The following DPH6 variants were observed in gnomAD, a reference collection of about 807,000 sequenced individuals.
DPH6 encodes diphthine--ammonia ligase.
A neutral mutation model predicts 38.2 loss-of-function variants in DPH6; 33 were observed. The observed-to-expected ratio is 0.86, with a 90% CI of 0.65 to 1.15. The LOEUF (loss-of-function observed/expected upper bound fraction) is 1.15, where lower values mean the gene tolerates loss of function less well. DPH6 is among the 50% of genes most tolerant of loss of function. The pLI is 0.00. For synonymous variants in DPH6, 108 were observed against 103.0 expected (o/e 1.05, Z -0.30); for missense variants, 325 against 320.0 (o/e 1.02, Z -0.12).
intron 5 of DPH6, among the ~76,000 whole-genome samples, chr15:35,439,355 TG>T (rs2053756782): frequency 6.6e-6 from 1 of 152,248 alleles, no homozygotes. Context: ...GGTATACTCC[TG>T]TGAACAAAAT....
chr15:35,517,947 A>C (rs993937856), intron 3 of DPH6, among the ~76,000 whole-genome samples: 18 of 152,198 alleles, frequency 1.2e-4, no homozygotes, highest in Admixed American at 9.2e-4. Flanking sequence ...TACTTTAAAA[A>C]AATTAAATTG....
At chr15:35,433,477 C>T (rs1179375654) in intron 5 of DPH6, among the ~76,000 whole-genome samples, 1 of 152,070 alleles carries the variant, frequency 6.6e-6, no homozygotes, top group Admixed American at 6.5e-5. Context: ...GTAAAAATCC[C>T]GTTGAGTCTC....
chr15:35,385,147 G>A (rs2052932426), intron 6 of DPH6, among the ~76,000 whole-genome samples: 1 of 152,156 alleles, frequency 6.6e-6, no homozygotes, highest in Non-Finnish European at 1.5e-5. Context: ...TGGAAAAATA[G>A]GAACACTTTT....
intron 3 of DPH6, chr15:35,237,275 G>A: frequency 1.3e-6 from 2 of 1,503,824 alleles, no homozygotes; most frequent in Non-Finnish European, 1.8e-6. Flanking sequence ...GCGCGGCCGT[G>A]TTATTGATTG....
chr15:35,264,487 C>A (rs779454984), intron 3 of DPH6, among the ~76,000 whole-genome samples: 2 of 152,106 alleles, frequency 1.3e-5, no homozygotes, highest in Admixed American at 6.6e-5. Flanking sequence ...GATTCTTAGA[C>A]CTCTCTTCTG....
At chr15:35,381,178 A>G (rs2052859978) in intron 7 of DPH6, among the ~76,000 whole-genome samples, 1 of 152,188 alleles carries the variant, frequency 6.6e-6, no homozygotes, top group Non-Finnish European at 1.5e-5. Flanking sequence ...TACAGGCTTA[A>G]GAAAAGCAGA....
intron 3 of DPH6, 148 bp downstream of exon 3, chr15:35,538,126 T>C: frequency 1.7e-6 from 1 of 605,764 alleles, no homozygotes. Flanking sequence ...CATTTGCAGT[T>C]TTTTTCTAAC....
intron 5 of DPH6, among the ~76,000 whole-genome samples, chr15:35,414,355 C>G (rs2053409755): frequency 6.6e-6 from 1 of 151,686 alleles, no homozygotes; most frequent in Non-Finnish European, 1.5e-5. Context: ...TAGTGGCTCC[C>G]ATATAAGGAA....
At chr15:35,283,166 TC>T (rs1481550249) in intron 3 of DPH6, among the ~76,000 whole-genome samples, 8 of 136,000 alleles carry the variant, frequency 5.9e-5, no homozygotes, top group African/African-American at 1.1e-4. Context: ...TCCCTCCCCC[TC>T]CCCCTCTTCC....
chr15:35,435,165 G>C (rs769100483), intron 5 of DPH6, among the ~76,000 whole-genome samples: 1 of 152,066 alleles, frequency 6.6e-6, no homozygotes, highest in South Asian at 2.1e-4. Context: ...TTATCTACAC[G>C]ACCCTTCCAC....
At chr15:35,267,755 T>C (rs2051792155) in intron 3 of DPH6, among the ~76,000 whole-genome samples, 1 of 152,288 alleles carries the variant, frequency 6.6e-6, no homozygotes, top group Middle Eastern at 3.4e-3. Flanking sequence ...ATGAGATTTA[T>C]AGTAGAGGAA....
chr15:35,282,866 A>G (rs2140437571), intron 3 of DPH6: 1 of 340,616 alleles, frequency 2.9e-6, no homozygotes, highest in Non-Finnish European at 6.1e-6. Flanking sequence ...CTTAAGGTGG[A>G]TGAAGACCCC....
chr15:35,332,606 C>T (rs1292226184), intron 3 of DPH6, among the ~76,000 whole-genome samples: 1 of 151,962 alleles, frequency 6.6e-6, no homozygotes, highest in Non-Finnish European at 1.5e-5. Flanking sequence ...GTTTGAATTC[C>T]CACTCTGCAA....
intron 3 of DPH6, chr15:35,520,934 A>G: frequency 1.0e-6 from 1 of 985,272 alleles, no homozygotes; most frequent in Non-Finnish European, 1.2e-6. Context: ...CAGAGAGATT[A>G]GCACCTTCTC....
At chr15:35,168,266 G>C in the DPH6 span, among the ~76,000 whole-genome samples, 2 of 151,912 alleles carry the variant, frequency 1.3e-5, no homozygotes, top group Admixed American at 6.6e-5. Flanking sequence ...CTGGAACATA[G>C]AAACTGGCCT....
chr15:35,380,586 A>C (rs969076931), intron 7 of DPH6, among the ~76,000 whole-genome samples: 2 of 152,120 alleles, frequency 1.3e-5, no homozygotes, highest in Non-Finnish European at 2.9e-5. Flanking sequence ...TTAACAAGTA[A>C]ATATATCCTA....
At chr15:35,263,368 A>C (rs1264459438) in intron 3 of DPH6, among the ~76,000 whole-genome samples, 1 of 151,238 alleles carries the variant, frequency 6.6e-6, no homozygotes, top group Non-Finnish European at 1.5e-5. Context: ...TACATGGAAT[A>C]TAACAAGAAA....
intron 5 of DPH6, among the ~76,000 whole-genome samples, chr15:35,413,925 A>C (rs865934936): frequency 1.4e-4 from 21 of 151,824 alleles, no homozygotes; most frequent in African/African-American, 4.6e-4. Flanking sequence ...TTTTCGGATA[A>C]TCATCTGTGA....
chr15:35,421,354 T>C (rs958412776), intron 5 of DPH6, among the ~76,000 whole-genome samples: 5 of 152,234 alleles, frequency 3.3e-5, no homozygotes, highest in African/African-American at 4.8e-5. Context: ...TAACACAAAG[T>C]AGACTTAGAT....
Sources: gnomAD v4.1 joint callset for allele counts (sites outside exome capture counted in the v4.1 genomes callset) on GRCh38, gnomAD v4.1.1 for gene constraint, MANE v1.5 for transcripts, NCBI Gene and HGNC (gene_info 2026-07-23, HGNC 2026-07-21) for gene names.